The following KIAA1958 variants were observed in gnomAD, a reference collection of about 807,000 sequenced individuals.
KIAA1958 encodes uncharacterized protein KIAA1958.
A neutral mutation model predicts 47.2 loss-of-function variants in KIAA1958; 14 were observed. The ratio of observed to expected loss-of-function variants is 0.30; its 90% confidence interval spans 0.20 to 0.46. KIAA1958 has a LOEUF of 0.46. KIAA1958 is among the 20% of genes least tolerant of loss of function. The pLI, the probability that KIAA1958 is intolerant of heterozygous loss-of-function variation, is 1.00. For synonymous variants in KIAA1958, 354 were observed against 353.3 expected (o/e 1.00, Z -0.02); for missense variants, 803 against 909.2 (o/e 0.88, Z 1.50).
intron 1 of KIAA1958, among the ~76,000 whole-genome samples, chr9:112,497,698 AACTT>A (rs978785733): frequency 1.3e-5 from 2 of 152,152 alleles, no homozygotes; most frequent in African/African-American, 4.8e-5. Context: ...TCCAATTTAA[AACTT>A]AATTAAAAAG....
At chr9:112,487,971 G>GTGTGTA (rs938232375) in intron 1 of KIAA1958, among the ~76,000 whole-genome samples, 15 of 150,852 alleles carry the variant, frequency 9.9e-5, no homozygotes, top group African/African-American at 3.7e-4. Flanking sequence ...GTGTGTGTGT[G>GTGTGTA]TGTTTTGAAG....
chr9:112,561,747 C>T (rs1835335584), intron 1 of KIAA1958, among the ~76,000 whole-genome samples: 1 of 152,122 alleles, frequency 6.6e-6, no homozygotes, highest in African/African-American at 2.4e-5. Context: ...CCCAGTTACT[C>T]AGAAGGCTGA....
chr9:112,595,110 A>G (rs1017040971), intron 2 of KIAA1958, among the ~76,000 whole-genome samples: 6 of 152,234 alleles, frequency 3.9e-5, no homozygotes, highest in African/African-American at 1.4e-4. Context: ...ACATAAATAA[A>G]CCTGTTTCTG....
chr9:112,543,147 G>A (rs1834971500), intron 1 of KIAA1958, among the ~76,000 whole-genome samples: 1 of 152,118 alleles, frequency 6.6e-6, no homozygotes, highest in African/African-American at 2.4e-5. Flanking sequence ...TCAAAGCTCT[G>A]AGCAGCTTGA....
chr9:112,651,397 ATT>A (rs34799388), intron 3 of KIAA1958, among the ~76,000 whole-genome samples: 242 of 141,464 alleles, frequency 1.7e-3, no homozygotes, highest in East Asian at 6.9e-3. Context: ...ATATATACAT[ATT>A]TTTTTTTTTT....
chr9:112,520,964 C>G (rs149426751), intron 1 of KIAA1958, among the ~76,000 whole-genome samples: 16 of 152,120 alleles, frequency 1.1e-4, no homozygotes, highest in African/African-American at 3.6e-4. Flanking sequence ...TGTGTGCCAT[C>G]TCCTTCTTTG....
At chr9:112,614,176 A>T (rs1377974109) in intron 2 of KIAA1958, among the ~76,000 whole-genome samples, 1 of 152,204 alleles carries the variant, frequency 6.6e-6, no homozygotes, top group Admixed American at 6.5e-5. Flanking sequence ...TTACGTTCTA[A>T]GAGTCCATTC....
At chr9:112,654,324 C>T (rs1236986731) in intron 3 of KIAA1958, among the ~76,000 whole-genome samples, 1 of 152,166 alleles carries the variant, frequency 6.6e-6, no homozygotes, top group Non-Finnish European at 1.5e-5. Flanking sequence ...GAAACCATCA[C>T]ATTAGGAGAA....
At chr9:112,500,589 C>G (rs1000817157) in intron 1 of KIAA1958, among the ~76,000 whole-genome samples, 2 of 151,954 alleles carry the variant, frequency 1.3e-5, no homozygotes, top group Non-Finnish European at 2.9e-5. Flanking sequence ...CGTGGTCAGC[C>G]TAGTATCATT....
intron 1 of KIAA1958, among the ~76,000 whole-genome samples, chr9:112,560,379 T>G (rs1835306976): frequency 6.6e-6 from 1 of 151,800 alleles, no homozygotes; most frequent in Admixed American, 6.6e-5. Flanking sequence ...TTTTTAAATG[T>G]TTTATAGAGA....
chr9:112,501,452 A>G (rs1004948647), intron 1 of KIAA1958, among the ~76,000 whole-genome samples: 1 of 152,180 alleles, frequency 6.6e-6, no homozygotes, highest in Non-Finnish European at 1.5e-5. Flanking sequence ...CTTGAAAAAA[A>G]ACAAAATGAA....
intron 2 of KIAA1958, among the ~76,000 whole-genome samples, chr9:112,626,465 A>T (rs528801156): frequency 6.6e-6 from 1 of 152,154 alleles, no homozygotes; most frequent in Non-Finnish European, 1.5e-5. Flanking sequence ...TACCATTTAT[A>T]CATTCATTTC....
intron 3 of KIAA1958, among the ~76,000 whole-genome samples, chr9:112,654,743 T>A (rs1837120311): frequency 6.6e-6 from 1 of 152,070 alleles, no homozygotes; most frequent in South Asian, 2.1e-4. Context: ...GTGCAATGGT[T>A]ACTGGCAAGT....
chr9:112,566,932 G>A (rs1230817240), intron 1 of KIAA1958, among the ~76,000 whole-genome samples: 2 of 152,074 alleles, frequency 1.3e-5, no homozygotes, highest in Non-Finnish European at 2.9e-5. Flanking sequence ...GCAGTACATG[G>A]ATATATGATT....
chr9:112,580,778 C>G (rs539183437), intron 2 of KIAA1958, among the ~76,000 whole-genome samples: 7 of 79,116 alleles, frequency 8.8e-5, no homozygotes, highest in African/African-American at 3.6e-4. Context: ...CAGAGCGAGA[C>G]TCCATCTCAA....
Position 112,660,290 on chromosome 9 carries a change from T to C in KIAA1958, c.*221T>C. ...ATGGTTTATCCAAATGTGCGTCAACTTCGTTAGCTTTTAGAATCTAACACA... is the reference window on the plus strand; with the variant it reads ...ATGGTTTATCCAAATGTGCGTCAACCTCGTTAGCTTTTAGAATCTAACACA... On this transcript the variant is annotated 3_prime_UTR_variant, in exon 4 of 4. Coordinates refer to ENST00000337530, the MANE Select transcript of KIAA1958 (RefSeq NM_133465.4). 2 of 566,786 alleles carry C rather than the reference T, an allele frequency of 3.5e-6. No individual in the cohort carries two copies. Among genetic ancestry groups the C allele is most frequent in the Non-Finnish European group, 6.3e-6 (2 of 317,204 alleles). 35.1% of individuals were successfully genotyped at this position (566,786 alleles called of 1,614,324 possible).
chr9:112,579,568 T>C (rs991279758), intron 2 of KIAA1958, among the ~76,000 whole-genome samples: 1 of 152,174 alleles, frequency 6.6e-6, no homozygotes, highest in Non-Finnish European at 1.5e-5. Flanking sequence ...GGTCTCTTTC[T>C]TGTTTTCAGT....
At chr9:112,616,152 C>G (rs1327953180) in intron 2 of KIAA1958, among the ~76,000 whole-genome samples, 1 of 152,126 alleles carries the variant, frequency 6.6e-6, no homozygotes, top group African/African-American at 2.4e-5. Context: ...AGATAAACAC[C>G]TTTATTGTTA....
intron 2 of KIAA1958, among the ~76,000 whole-genome samples, chr9:112,628,784 T>A (rs1836662712): frequency 6.6e-6 from 1 of 152,132 alleles, no homozygotes; most frequent in African/African-American, 2.4e-5. Context: ...ATATATATAT[T>A]TATTAGGTTT....
Sources: gnomAD v4.1 joint callset for allele counts (sites outside exome capture counted in the v4.1 genomes callset) on GRCh38, gnomAD v4.1.1 for gene constraint, MANE v1.5 for transcripts, NCBI Gene and HGNC (gene_info 2026-07-23, HGNC 2026-07-21) for gene names.